ATG12: variants seen among roughly 807,000 people sequenced by gnomAD.
ATG12 encodes ubiquitin-like protein ATG12.
A neutral mutation model predicts 17.6 loss-of-function variants in ATG12; 19 were observed. The ratio of observed to expected loss-of-function variants is 1.08; its 90% CI spans 0.75 to 1.58. ATG12 has a LOEUF of 1.58. Among genes scored for constraint, ATG12 ranks in the 40% most tolerant of loss-of-function variants. The probability of loss-of-function intolerance (pLI) is 0.00; values close to 1 mark genes in which losing one functional copy is unlikely to be tolerated. For synonymous variants in ATG12, 75 were observed against 62.4 expected (o/e 1.20, Z -0.95); for missense variants, 214 against 162.0 (o/e 1.32, Z -1.74).
chr5:115,832,921 A>T, intron 2 of ATG12: 1 of 324,402 alleles, frequency 3.1e-6, no homozygotes. Flanking sequence ...AAACTTTTAA[A>T]TATTTTTTAC....
intron 1 of ATG12, among the ~76,000 whole-genome samples, chr5:115,839,743 G>T (rs1295631137): frequency 6.6e-6 from 1 of 152,182 alleles, no homozygotes; most frequent in South Asian, 2.1e-4. Context: ...TTCTTCTGTA[G>T]ATTAACAAAG....
rs938480503 is a variant in ATG12, at chr5:115,830,939, A to G, written c.*865T>C. On this transcript the variant is annotated 3_prime_UTR_variant, in exon 4 of 4. Transcript: ENST00000509910. ...TAAAAATGGCACTTTTAGTCATGGCATAAAATATACAATAAGGCTATTTTT... is the reference window on the plus strand; with the variant it reads ...TAAAAATGGCACTTTTAGTCATGGCGTAAAATATACAATAAGGCTATTTTT... 6.6e-6 allele frequency: 1 copy of G among 152,254 alleles called. No individual in the cohort carries two copies. Among genetic ancestry groups the G allele is most frequent in the African/African-American group, 2.4e-5 (1 of 41,476 alleles). 9.4% of individuals were successfully genotyped at this position (152,254 alleles called of 1,614,324 possible).
intron 1 of ATG12, 50 bp downstream of exon 1, chr5:115,841,340 G>A: frequency 6.2e-7 from 1 of 1,606,338 alleles, no homozygotes; most frequent in Non-Finnish European, 8.5e-7. Flanking sequence ...ACCCCTACTC[G>A]GATGCAATCT....
rs1394944811 is a variant in ATG12 at position 115,831,568 on chromosome 5, G to C, written c.*236C>G. On this transcript the variant is annotated 3_prime_UTR_variant, in exon 4 of 4. Transcript: ENST00000509910. ...TCTGCAGCAATAATAGTAACAAGTA[G>C]GAGCAATGGGTGTACTATCATGACC... The C allele has an allele frequency of 1.8e-6, 1 of 564,828 alleles. No individual in the cohort carries two copies. The highest frequency in any genetic ancestry group is 3.0e-5 in the East Asian group (1 of 33,340). The allele number at this position is 564,828 out of a possible 1,614,324, so 35.0% of individuals were successfully genotyped here. A position where few individuals can be genotyped will look rare whatever the true frequency, so the allele number is the denominator to read the frequency against.
At position 115,831,961 on chromosome 5, in the gene ATG12, C is replaced by T. The variant is rs540674517; in HGVS notation, c.364-98G>A. 28 of 1,142,224 alleles carry T rather than the reference C, an allele frequency of 2.5e-5. No homozygotes were observed. The African/African-American group carries it at 3.1e-4, about 13-fold the overall frequency. The allele number at this position is 1,142,224 out of a possible 1,614,324, so 70.8% of individuals were successfully genotyped here. On this transcript the variant is annotated intron_variant, in intron 3 of 3. Transcript: ENST00000509910. The stretch of plus-strand genomic sequence containing the variant: ...CACATGTATCATAAATATCCACACA[C>T]GTATATTAAGTTACCTATGTTACAG...
chr5:115,838,501 C>T (rs1761196722), intron 1 of ATG12: 1 of 152,192 alleles, frequency 6.6e-6, no homozygotes, highest in African/African-American at 2.4e-5. Context: ...TAAAAACCAT[C>T]ACAAACACAT....
At chr5:115,837,259 G>A (rs1339203504) in intron 2 of ATG12, among the ~76,000 whole-genome samples, 1 of 152,022 alleles carries the variant, frequency 6.6e-6, no homozygotes, top group African/African-American at 2.4e-5. Flanking sequence ...AAGAGATAAG[G>A]CAGGGCACAG....
chr5:115,836,042 A>G (rs1191455809), intron 2 of ATG12, among the ~76,000 whole-genome samples: 1 of 151,996 alleles, frequency 6.6e-6, no homozygotes. Flanking sequence ...TTTAACATCC[A>G]TTTTGCTAGA....
intron 2 of ATG12, 104 bp downstream of exon 2, chr5:115,837,524 G>A (rs958918421): frequency 4.7e-5 from 55 of 1,179,896 alleles, no homozygotes; most frequent in African/African-American, 9.5e-5. Flanking sequence ...TAACAAAAGC[G>A]ACATATGTGG....
At chr5:115,831,939 A>T in intron 3 of ATG12, 76 bp from the exon 4 acceptor site, 1 of 1,365,418 alleles carries the variant, frequency 7.3e-7, no homozygotes. Context: ...TAAATGCCAC[A>T]TGTATCATAA....
chr5:115,841,295 G>A, intron 1 of ATG12, 95 bp downstream of exon 1: 2 of 1,523,268 alleles, frequency 1.3e-6, no homozygotes, highest in Non-Finnish European at 1.8e-6. Context: ...TCTAGGACAG[G>A]CGCTCCTCTA....
Position 115,831,882 on chromosome 5 carries a change from A to G in ATG12, c.364-19T>C, listed in dbSNP as rs1561450063. 6.4e-7 allele frequency: 1 copy of G among 1,566,730 alleles called. No homozygotes were observed. Among genetic ancestry groups the G allele is most frequent in the Non-Finnish European group, 8.6e-7 (1 of 1,166,102 alleles). ...CAAAACACTACAAAAAAAAAAGGCA[A>G]TAAATCAAACTCAATCTTTTATTAT... On this transcript the variant is annotated intron_variant, in intron 3 of 3. Coordinates refer to ENST00000509910, the MANE Select transcript of ATG12 (RefSeq NM_004707.4).
chr5:115,839,053 G>T (rs1402244853), intron 1 of ATG12: 1 of 151,210 alleles, frequency 6.6e-6, no homozygotes, highest in African/African-American at 2.4e-5. Context: ...AACCCGGGAC[G>T]CGGAGGTTGC....
chr5:115,841,122 C>T, intron 1 of ATG12: 1 of 358,888 alleles, frequency 2.8e-6, no homozygotes, highest in Non-Finnish European at 5.2e-6. Flanking sequence ...TCAAAGAGCT[C>T]GCAGTCTGGC....
At chr5:115,836,410 T>C (rs1302603816) in intron 2 of ATG12, among the ~76,000 whole-genome samples, 1 of 152,224 alleles carries the variant, frequency 6.6e-6, no homozygotes, top group Admixed American at 6.5e-5. Flanking sequence ...ACTCTTCATG[T>C]TGCATCTTTA....
chr5:115,840,781 G>A, intron 1 of ATG12: 3 of 1,184,258 alleles, frequency 2.5e-6, no homozygotes, highest in Non-Finnish European at 3.2e-6. Context: ...GCAATAAAGG[G>A]TTGAGGATAG....
rs761297362 is a variant in ATG12 at position 115,830,491 on chromosome 5, T to C, written c.*1313A>G. 1 of 152,160 alleles carries C rather than the reference T, an allele frequency of 6.6e-6. No individual in the cohort carries two copies. Among genetic ancestry groups the C allele is most frequent in the Non-Finnish European group, 1.5e-5 (1 of 68,030 alleles). 9.4% of individuals were successfully genotyped at this position (152,160 alleles called of 1,614,324 possible). On this transcript the variant is annotated 3_prime_UTR_variant, in exon 4 of 4. Coordinates refer to ENST00000509910, the MANE Select transcript of ATG12 (RefSeq NM_004707.4). ...TTACTTTGAATTCTACTACATACCATCTTAGATCCTGTTTTGAAATTCCAT... is the reference window on the plus strand; with the variant it reads ...TTACTTTGAATTCTACTACATACCACCTTAGATCCTGTTTTGAAATTCCAT...
chr5:115,832,705 C>G, intron 2 of ATG12, 41 bp from the exon 3 acceptor site: 2 of 1,448,692 alleles, frequency 1.4e-6, no homozygotes, highest in Non-Finnish European at 1.8e-6. Flanking sequence ...TTAATGGTAT[C>G]CTGATTAATC....
At position 115,832,638 on chromosome 5, in the gene ATG12, A is replaced by G; in HGVS notation, c.327T>C (p.Ala109=). Residue 109 remains alanine, a synonymous_variant, in exon 3 of 4, where the codon GCT becomes GCC. Coordinates refer to ENST00000509910, the MANE Select transcript of ATG12 (RefSeq NM_004707.4). ...QLFIYVNQSF[A]PSPDQEVGTL... ...TTCCAACTTCTTGGTCTGGGGAAGGAGCAAAGGACTGATTCACATAAATAA... is the reference window on the plus strand; with the variant it reads ...TTCCAACTTCTTGGTCTGGGGAAGGGGCAAAGGACTGATTCACATAAATAA... The G allele has an allele frequency of 6.9e-7, 1 of 1,449,534 alleles. No individual in the cohort carries two copies. The highest frequency in any genetic ancestry group is 9.0e-7 in the Non-Finnish European group (1 of 1,105,256). The allele number at this position is 1,449,534 out of a possible 1,614,324, so 89.8% of individuals were successfully genotyped here. A position where few individuals can be genotyped will look rare whatever the true frequency, so the allele number is the denominator to read the frequency against.
Sources: gnomAD v4.1 joint callset for allele counts (sites outside exome capture counted in the v4.1 genomes callset) on GRCh38, gnomAD v4.1.1 for gene constraint, MANE v1.5 for transcripts, NCBI Gene and HGNC (gene_info 2026-07-23, HGNC 2026-07-21) for gene names.